LRRC7: variants seen among roughly 807,000 people sequenced by gnomAD.
The protein encoded by LRRC7 is leucine-rich repeat-containing protein 7.
In LRRC7, 23 loss-of-function variants were observed where a neutral mutation model predicts 175.7. The ratio of observed to expected loss-of-function variants is 0.13; its 90% CI spans 0.09 to 0.19. LRRC7 has a LOEUF of 0.19. Ranked by LOEUF, LRRC7 falls within the 10% of genes least tolerant of loss-of-function variation. The pLI, the probability that LRRC7 is intolerant of heterozygous loss-of-function variation, is 1.00. For missense variants in LRRC7, 1,354 were observed against 1,904.7 expected, an observed-to-expected ratio of 0.71 and a Z score of 5.38; for synonymous variants, 685 against 680.9, an observed-to-expected ratio of 1.01 and a Z score of -0.09.
intron 7 of LRRC7, among the ~76,000 whole-genome samples, chr1:69,913,628 T>C (rs1646599866): frequency 1.3e-5 from 2 of 152,010 alleles, no homozygotes; most frequent in African/African-American, 4.8e-5. Flanking sequence ...TCTCCTGCCT[T>C]AGCCACCCAA....
intron 24 of LRRC7, among the ~76,000 whole-genome samples, chr1:70,084,566 C>A (rs548543270): frequency 6.6e-6 from 1 of 152,278 alleles, no homozygotes; most frequent in South Asian, 2.1e-4. Context: ...GGTTGATGGA[C>A]ATTTGGGTTT....
Position 69,896,567 on chromosome 1 carries a change from C to T in LRRC7, c.648-34940C>T, listed in dbSNP as rs74084544. Among the ~76,000 whole-genome samples the T allele has an allele frequency of 3.2e-3, 480 of 152,218 alleles. 2 individuals are homozygous for T. The highest frequency in any genetic ancestry group is 0.011 in the African/African-American group (449 of 41,560). ...AGTGAGGCTGCTGAAATGGTTGTGG[C>T]TAGATCTAGATGATTCTCTATACAG... is the stretch of plus-strand genomic sequence containing the variant. On this transcript the variant is annotated intron_variant, in intron 7 of 26. Coordinates refer to ENST00000651989, the MANE Select transcript of LRRC7 (RefSeq NM_001370785.2).
In LRRC7 at chr1:70,135,934, C is replaced by T. The variant is rs1444627760; in HGVS notation, c.*14047C>T. On this transcript the variant is annotated 3_prime_UTR_variant, in exon 27 of 27. Transcript: ENST00000651989. ...ATTATGATCAAGACAGATATTCTAG[C>T]AGGACATCACTGCTATATTCTTTAT... 6.6e-6 allele frequency among the ~76,000 whole-genome samples: 1 copy of T among 152,124 alleles called. No homozygotes were observed. The highest frequency in any genetic ancestry group is 1.5e-5 in the Non-Finnish European group (1 of 68,006).
At chr1:70,113,774 A>G (rs1346174208) in intron 26 of LRRC7, among the ~76,000 whole-genome samples, 2 of 152,116 alleles carry the variant, frequency 1.3e-5, no homozygotes, top group Admixed American at 1.3e-4. Flanking sequence ...AAATCACTTC[A>G]TACTCTATCC....
At chr1:69,904,321 T>A (rs7540006) in intron 7 of LRRC7, among the ~76,000 whole-genome samples, 4,148 of 152,158 alleles carry the variant, frequency 0.027, 86 homozygotes, top group Non-Finnish European at 0.041. Context: ...AATACTAATT[T>A]GAAAAATGTT....
intron 2 of LRRC7, among the ~76,000 whole-genome samples, chr1:69,732,337 A>G (rs571758208): frequency 1.5e-4 from 23 of 151,124 alleles, no homozygotes; most frequent in South Asian, 1.0e-3. Flanking sequence ...AAAAATAGGG[A>G]AAAAAAATAC....
At chr1:70,025,831 A>AG (rs550770075) in intron 17 of LRRC7, among the ~76,000 whole-genome samples, 6,559 of 123,876 alleles carry the variant, frequency 0.053, 243 homozygotes, top group African/African-American at 0.11. Context: ...CCTCAATTTA[A>AG]GGGGGGGGGG....
intron 11 of LRRC7, among the ~76,000 whole-genome samples, chr1:70,006,437 A>G (rs986491855): frequency 6.6e-6 from 1 of 150,832 alleles, no homozygotes; most frequent in African/African-American, 2.4e-5. Context: ...GCAACACTGC[A>G]CTCCAGCCTG....
At chr1:70,058,266 T>A (rs939153927) in intron 23 of LRRC7, among the ~76,000 whole-genome samples, 1 of 152,160 alleles carries the variant, frequency 6.6e-6, no homozygotes, top group African/African-American at 2.4e-5. Context: ...CACCTCAGCT[T>A]CCCAAAGTGC....
At chr1:69,753,779 A>C (rs35137699) in intron 2 of LRRC7, among the ~76,000 whole-genome samples, 5,102 of 152,216 alleles carry the variant, frequency 0.034, 101 homozygotes, top group African/African-American at 0.056. Context: ...CTTTCAATCT[A>C]GTAAAGAAGA....
chr1:69,647,564 C>T (rs188667273), intron 1 of LRRC7, among the ~76,000 whole-genome samples: 2 of 152,234 alleles, frequency 1.3e-5, no homozygotes, highest in Admixed American at 1.3e-4. Context: ...ATTCCTTCTA[C>T]AATTTATTTA....
At chr1:69,614,057 A>T (rs991007386) in intron 1 of LRRC7, among the ~76,000 whole-genome samples, 2 of 149,940 alleles carry the variant, frequency 1.3e-5, no homozygotes, top group African/African-American at 5.1e-5. Flanking sequence ...ATCATTTATG[A>T]ATGATAATTA....
rs1666775473 is a variant in LRRC7, at chr1:70,134,021, A to C, written c.*12134A>C. Among the ~76,000 whole-genome samples the C allele has an allele frequency of 6.6e-6, 1 of 152,218 alleles. No homozygotes were observed. The highest frequency in any genetic ancestry group is 1.5e-5 in the Non-Finnish European group (1 of 68,040). On this transcript the variant is annotated 3_prime_UTR_variant, in exon 27 of 27. Transcript: ENST00000651989. ...ACTAGTCCAATCTGAATATGTGTGC[A>C]TCTGGGTATAGCTTTATTTCCATCT...
chr1:69,668,258 C>G (rs1258944973), intron 1 of LRRC7, among the ~76,000 whole-genome samples: 2 of 152,136 alleles, frequency 1.3e-5, no homozygotes, highest in Non-Finnish European at 2.9e-5. Flanking sequence ...AACCCATCAT[C>G]TACATTAGGT....
Position 69,938,462 on chromosome 1 carries a change from TCAAA to T in LRRC7, c.711+6897_711+6900del, listed in dbSNP as rs577588088. Among the ~76,000 whole-genome samples the T allele has an allele frequency of 2.6e-4, 39 of 151,970 alleles. No individual in the cohort carries two copies. In the South Asian group the frequency reaches 8.1e-3, roughly 32 times the overall value. On this transcript the variant is annotated intron_variant, in intron 8 of 26. Coordinates refer to ENST00000651989, the MANE Select transcript of LRRC7 (RefSeq NM_001370785.2). ...GCTTTACTCACTTTATTTCATAGAG[TCAAA>T]CAAAAATTTCAAAGAAATGAATTAA...
chr1:69,776,523 C>G (rs1275131565), intron 3 of LRRC7, among the ~76,000 whole-genome samples: 1 of 152,164 alleles, frequency 6.6e-6, no homozygotes, highest in Non-Finnish European at 1.5e-5. Context: ...TGTATCCCTT[C>G]TATGCATAGA....
intron 7 of LRRC7, among the ~76,000 whole-genome samples, chr1:69,867,892 A>G (rs868777280): frequency 6.6e-6 from 1 of 152,262 alleles, no homozygotes; most frequent in African/African-American, 2.4e-5. Flanking sequence ...TTTCATTTTG[A>G]ATATGTGAAG....
chr1:70,047,782 C>A (rs4649907), intron 22 of LRRC7, among the ~76,000 whole-genome samples: 19,394 of 151,618 alleles, frequency 0.13, 1,684 homozygotes, highest in African/African-American at 0.24. Context: ...AGAACTCTTT[C>A]AGATATTAAG....
chr1:69,718,688 C>T (rs1557644483), intron 2 of LRRC7, among the ~76,000 whole-genome samples: 1 of 151,760 alleles, frequency 6.6e-6, no homozygotes, highest in African/African-American at 2.4e-5. Context: ...CATCAAAATT[C>T]TGTTCGAAGA....
Sources: gnomAD v4.1 joint callset for allele counts (sites outside exome capture counted in the v4.1 genomes callset) on GRCh38, gnomAD v4.1.1 for gene constraint, MANE v1.5 for transcripts, NCBI Gene and HGNC (gene_info 2026-07-23, HGNC 2026-07-21) for gene names.